CSMD1: variants seen among roughly 807,000 people sequenced by gnomAD.
CSMD1 encodes CUB and Sushi multiple domains 1, also known as CUB and sushi domain-containing protein 1.
Under a neutral mutation model 417.5 loss-of-function variants are expected in CSMD1, and 213 were observed. The observed-to-expected ratio is 0.51, with a 90% confidence interval of 0.46 to 0.57. The LOEUF is 0.57. Ranked by LOEUF, CSMD1 falls within the 20% of genes least tolerant of loss-of-function variation. CSMD1 has a pLI of 0.00. For synonymous variants in CSMD1, 2,862 were observed against 1,736.8 expected, an observed-to-expected ratio of 1.65 and a Z score of -16.11; for missense variants, 6,923 against 4,529.7, an observed-to-expected ratio of 1.53 and a Z score of -15.17.
chr8:4,516,449 T>A (rs538213420), intron 2 of CSMD1, among the ~76,000 whole-genome samples: 6 of 152,274 alleles, frequency 3.9e-5, no homozygotes, highest in Admixed American at 3.9e-4. Context: ...CAGAGACGCC[T>A]CACCCTCCAG....
In CSMD1 at chr8:3,270,759, G is replaced by C. The variant is rs11779729; in HGVS notation, c.4153+13385C>G. Among the ~76,000 whole-genome samples, 410 of 152,180 alleles carry C rather than the reference G, an allele frequency of 2.7e-3. 5 individuals carry two copies. Among genetic ancestry groups the C allele is most frequent in the African/African-American group, 9.3e-3 (388 of 41,534 alleles). ...CAGAGGGGAAGGAACTTTGCTATTT[G>C]TATTAGTCTGTTTTCATGCTGCTGA... On this transcript the variant is annotated intron_variant, in intron 26 of 69. Transcript: ENST00000635120.
chr8:4,286,364 G>A (rs1797055368), intron 3 of CSMD1, among the ~76,000 whole-genome samples: 1 of 152,034 alleles, frequency 6.6e-6, no homozygotes, highest in Non-Finnish European at 1.5e-5. Flanking sequence ...TTCCTTCTAT[G>A]TTAGTTCAAA....
At chr8:3,195,878 T>A (rs1796677196) in intron 33 of CSMD1, among the ~76,000 whole-genome samples, 1 of 152,210 alleles carries the variant, frequency 6.6e-6, no homozygotes, top group Admixed American at 6.5e-5. Flanking sequence ...TAGTCATGGT[T>A]CAGACTTGGA....
At chr8:3,975,404 T>C (rs776447170) in intron 5 of CSMD1, among the ~76,000 whole-genome samples, 2 of 152,152 alleles carry the variant, frequency 1.3e-5, no homozygotes, top group Non-Finnish European at 2.9e-5. Flanking sequence ...GCATTATTTT[T>C]AATACTAGAT....
At chr8:3,443,596 T>C (rs998435868) in intron 12 of CSMD1, among the ~76,000 whole-genome samples, 8 of 152,180 alleles carry the variant, frequency 5.3e-5, no homozygotes, top group African/African-American at 1.9e-4. Context: ...GAAGCAGAAG[T>C]GAGACCTTCA....
intron 5 of CSMD1, among the ~76,000 whole-genome samples, chr8:3,904,540 G>A (rs1019702962): frequency 6.6e-6 from 1 of 152,088 alleles, no homozygotes; most frequent in Non-Finnish European, 1.5e-5. Flanking sequence ...TGATACCAAA[G>A]CTGTTGTATG....
At chr8:3,524,195 G>A (rs1420879422) in intron 10 of CSMD1, among the ~76,000 whole-genome samples, 2 of 143,306 alleles carry the variant, frequency 1.4e-5, no homozygotes, top group South Asian at 2.3e-4. Context: ...ACTCACATAT[G>A]CACACACATG....
chr8:3,291,381 G>A (rs1301305722), intron 25 of CSMD1, among the ~76,000 whole-genome samples: 6 of 152,000 alleles, frequency 3.9e-5, no homozygotes, highest in Admixed American at 3.9e-4. Flanking sequence ...CTTTTGATTG[G>A]AATAATTGAA....
intron 5 of CSMD1, among the ~76,000 whole-genome samples, chr8:3,935,973 T>C (rs1313042613): frequency 3.9e-5 from 6 of 152,118 alleles, no homozygotes; most frequent in African/African-American, 7.2e-5. Flanking sequence ...TCTTGAAATA[T>C]AGTAAAAGTG....
intron 11 of CSMD1, among the ~76,000 whole-genome samples, chr8:3,471,705 TTTCC>T (rs760750278): frequency 1.5e-4 from 22 of 143,512 alleles, no homozygotes; most frequent in East Asian, 4.6e-4. Context: ...TCCTTTCTTC[TTTCC>T]TTCCTTCCTT....
chr8:4,334,866 G>C (rs1218192825), intron 3 of CSMD1, among the ~76,000 whole-genome samples: 1 of 152,022 alleles, frequency 6.6e-6, no homozygotes, highest in Non-Finnish European at 1.5e-5. Flanking sequence ...CTGGAGGCTG[G>C]GAAGTCCAAG....
intron 11 of CSMD1, among the ~76,000 whole-genome samples, chr8:3,488,521 T>G (rs1818186065): frequency 6.6e-6 from 1 of 152,208 alleles, no homozygotes; most frequent in Non-Finnish European, 1.5e-5. Context: ...ATAGCAGTAT[T>G]AGCACTCTTA....
At chr8:3,552,573 T>C (rs376197136) in intron 10 of CSMD1, among the ~76,000 whole-genome samples, 1 of 152,136 alleles carries the variant, frequency 6.6e-6, no homozygotes, top group Non-Finnish European at 1.5e-5. Flanking sequence ...GGGGGCATTG[T>C]GGTTATGCAA....
chr8:4,795,738 G>T (rs149330956), intron 1 of CSMD1, among the ~76,000 whole-genome samples: 298 of 152,084 alleles, frequency 2.0e-3, no homozygotes, highest in Non-Finnish European at 2.7e-3. Flanking sequence ...GGTCCTCCAG[G>T]GCTCTTGTCA....
At chr8:4,379,457 A>G (rs1802962904) in intron 3 of CSMD1, among the ~76,000 whole-genome samples, 1 of 152,204 alleles carries the variant, frequency 6.6e-6, no homozygotes, top group Non-Finnish European at 1.5e-5. Flanking sequence ...ATGCTGTGTC[A>G]ACATTAATGT....
chr8:3,520,019 C>CATATATATATATATATATAT (rs1491479503), intron 10 of CSMD1, among the ~76,000 whole-genome samples: 90 of 114,002 alleles, frequency 7.9e-4, no homozygotes, highest in African/African-American at 3.5e-3. Context: ...TGTGTATATA[C>CATATATATATATATATATAT]CTATATATAT....
Position 3,589,615 on chromosome 8 carries a change from G to T in CSMD1, c.1098-3355C>A, listed in dbSNP as rs373498498. Among the ~76,000 whole-genome samples, 167 of 152,202 alleles carry T rather than the reference G, an allele frequency of 1.1e-3. 2 individuals are homozygous for T. The highest frequency in any genetic ancestry group is 3.9e-3 in the African/African-American group (160 of 41,546). On this transcript the variant is annotated intron_variant, in intron 8 of 69. Coordinates refer to ENST00000635120, the MANE Select transcript of CSMD1 (RefSeq NM_033225.6). ...TAGCAGAGTGTGGGTATCAGGGGCT[G>T]GAGGAAGGAGAGGAAACAAATAATA...
intron 50 of CSMD1, among the ~76,000 whole-genome samples, chr8:3,036,050 A>G (rs1340736268): frequency 6.6e-6 from 1 of 152,206 alleles, no homozygotes; most frequent in African/African-American, 2.4e-5. Flanking sequence ...AATCCAGATC[A>G]GTTGAAAGTA....
chr8:2,979,964 A>C (rs1418198819), intron 54 of CSMD1, among the ~76,000 whole-genome samples: 1 of 152,228 alleles, frequency 6.6e-6, no homozygotes, highest in Non-Finnish European at 1.5e-5. Flanking sequence ...TAATGTGAGA[A>C]ATTCTAATTA....
Sources: allele counts gnomAD v4.1 joint callset (sites outside exome capture counted in the v4.1 genomes callset), GRCh38; gene constraint gnomAD v4.1.1; transcripts MANE v1.5; gene names NCBI Gene and HGNC (gene_info 2026-07-23, HGNC 2026-07-21).